ST8SIA2: variants seen among roughly 807,000 people sequenced by gnomAD.
ST8SIA2 encodes ST8 alpha-N-acetyl-neuraminide alpha-2,8-sialyltransferase 2.
In ST8SIA2, 22 loss-of-function variants were observed where a neutral mutation model predicts 37.6. The observed-to-expected ratio is 0.58, with a 90% CI of 0.42 to 0.83. The LOEUF (loss-of-function observed/expected upper bound fraction) is 0.83. Ranked by LOEUF, ST8SIA2 falls within the 40% of genes least tolerant of loss-of-function variation. ST8SIA2 has a pLI of 0.00. For missense variants in ST8SIA2, 382 were observed against 484.7 expected, an observed-to-expected ratio of 0.79 and a Z score of 1.99; for synonymous variants, 205 against 201.2, an observed-to-expected ratio of 1.02 and a Z score of -0.16.
intron 4 of ST8SIA2, among the ~76,000 whole-genome samples, chr15:92,439,218 G>C (rs1044054767): frequency 1.3e-5 from 2 of 149,352 alleles, no homozygotes; most frequent in Admixed American, 6.7e-5. Context: ...AAAACTCTTT[G>C]TAAGTGTCTT....
chr15:92,451,785 A>G (rs1185651883), intron 5 of ST8SIA2, among the ~76,000 whole-genome samples: 6 of 152,146 alleles, frequency 3.9e-5, no homozygotes, highest in Non-Finnish European at 8.8e-5. Context: ...AAAGATAGGA[A>G]AACTGAGCCT....
At chr15:92,456,171 G>T (rs113803966) in intron 5 of ST8SIA2, among the ~76,000 whole-genome samples, 3,849 of 152,330 alleles carry the variant, frequency 0.025, 61 homozygotes, top group Middle Eastern at 0.065. Context: ...TCCTGGCGGG[G>T]CCCGCCATGT....
chr15:92,457,721 C>T (rs1488776975), intron 5 of ST8SIA2, among the ~76,000 whole-genome samples: 1 of 152,204 alleles, frequency 6.6e-6, no homozygotes, highest in East Asian at 1.9e-4. Context: ...TCCTGTATAA[C>T]TCAGTCAGCT....
At chr15:92,416,467 G>A (rs983282808) in intron 1 of ST8SIA2, among the ~76,000 whole-genome samples, 3 of 152,078 alleles carry the variant, frequency 2.0e-5, no homozygotes, top group Non-Finnish European at 4.4e-5. Context: ...GAAAACCGGC[G>A]CGTGCAAAGG....
intron 1 of ST8SIA2, among the ~76,000 whole-genome samples, chr15:92,406,641 G>A (rs1439768500): frequency 6.6e-6 from 1 of 152,180 alleles, no homozygotes; most frequent in Non-Finnish European, 1.5e-5. Flanking sequence ...TGTCAGTGTA[G>A]CTCCACTGCC....
intron 4 of ST8SIA2, 69 bp downstream of exon 4, chr15:92,438,679 A>T: frequency 2.0e-6 from 3 of 1,492,032 alleles, no homozygotes; most frequent in Middle Eastern, 3.8e-4. Flanking sequence ...GAGCATTGCC[A>T]GCTGTCCCAA....
In ST8SIA2 at chr15:92,468,032, A is replaced by T. The variant is rs2050005269; in HGVS notation, c.*3647A>T. ...GTGATCCCGTCAGCCACCCAGTCTGAGATGCTGACGTTATCTTCGACTATT... is the reference window on the plus strand; with the variant it reads ...GTGATCCCGTCAGCCACCCAGTCTGTGATGCTGACGTTATCTTCGACTATT... On this transcript the variant is annotated 3_prime_UTR_variant, in exon 6 of 6. Coordinates refer to ENST00000268164, the MANE Select transcript of ST8SIA2 (RefSeq NM_006011.4). The T allele has an allele frequency of 6.6e-6, 1 of 152,232 alleles. No individual in the cohort carries two copies. Among genetic ancestry groups the T allele is most frequent in the African/African-American group, 2.4e-5 (1 of 41,452 alleles). The allele number at this position is 152,232 out of a possible 1,614,324, so 9.4% of individuals were successfully genotyped here.
rs2049991977 is a variant in ST8SIA2 at position 92,466,337 on chromosome 15, C to T, written c.*1952C>T. The T allele has an allele frequency of 6.6e-6, 1 of 152,200 alleles. No individual in the cohort carries two copies. Among genetic ancestry groups the T allele is most frequent in the African/African-American group, 2.4e-5 (1 of 41,444 alleles). 9.4% of individuals were successfully genotyped at this position (152,200 alleles called of 1,614,324 possible). ...TACCATATTTTATACATCTCCAGAG[C>T]CTTTCATCTTGAGGATCTCAAAGAC... On this transcript the variant is annotated 3_prime_UTR_variant, in exon 6 of 6. Transcript: ENST00000268164.
At chr15:92,439,297 A>G (rs1430990721) in intron 4 of ST8SIA2, among the ~76,000 whole-genome samples, 1 of 152,166 alleles carries the variant, frequency 6.6e-6, no homozygotes, top group Non-Finnish European at 1.5e-5. Context: ...GGAGTAACAG[A>G]GAAACTTGAA....
At chr15:92,429,501 A>G (rs2049699656) in intron 1 of ST8SIA2, among the ~76,000 whole-genome samples, 1 of 152,176 alleles carries the variant, frequency 6.6e-6, no homozygotes, top group African/African-American at 2.4e-5. Context: ...GAGTGACACC[A>G]CTTAATACTA....
intron 5 of ST8SIA2, among the ~76,000 whole-genome samples, chr15:92,452,894 C>T (rs1377176183): frequency 6.6e-6 from 1 of 152,134 alleles, no homozygotes; most frequent in Non-Finnish European, 1.5e-5. Context: ...AGAACATCAA[C>T]ATATGAGTCT....
chr15:92,439,887 G>A (rs1185006407), intron 4 of ST8SIA2, among the ~76,000 whole-genome samples: 1 of 152,074 alleles, frequency 6.6e-6, no homozygotes, highest in Non-Finnish European at 1.5e-5. Flanking sequence ...AGTGTGTGGG[G>A]GCCAAGGCCT....
chr15:92,416,665 G>T (rs558146739), intron 1 of ST8SIA2, among the ~76,000 whole-genome samples: 1 of 152,262 alleles, frequency 6.6e-6, no homozygotes, highest in African/African-American at 2.4e-5. Context: ...GGAGACATGG[G>T]GACATACTGC....
At chr15:92,408,550 C>T (rs1375095395) in intron 1 of ST8SIA2, among the ~76,000 whole-genome samples, 2 of 151,998 alleles carry the variant, frequency 1.3e-5, no homozygotes, top group African/African-American at 4.8e-5. Flanking sequence ...TGAGATAGGC[C>T]CCAGTTACTG....
chr15:92,452,019 G>T (rs535929406), intron 5 of ST8SIA2, among the ~76,000 whole-genome samples: 1 of 152,160 alleles, frequency 6.6e-6, no homozygotes, highest in Non-Finnish European at 1.5e-5. Flanking sequence ...GAACCAAAGG[G>T]CTAGGAGCAG....
chr15:92,410,982 G>A (rs1054015691), intron 1 of ST8SIA2, among the ~76,000 whole-genome samples: 1 of 152,186 alleles, frequency 6.6e-6, no homozygotes, highest in African/African-American at 2.4e-5. Flanking sequence ...TTGTGACGCG[G>A]CTGCCACAGA....
intron 1 of ST8SIA2, among the ~76,000 whole-genome samples, chr15:92,426,815 G>T (rs1213232377): frequency 6.6e-6 from 1 of 152,230 alleles, no homozygotes; most frequent in Admixed American, 6.5e-5. Context: ...TGGGCTGGGC[G>T]TGATGGCTCA....
intron 5 of ST8SIA2, among the ~76,000 whole-genome samples, chr15:92,460,865 T>C (rs2049952377): frequency 6.6e-6 from 1 of 152,166 alleles, no homozygotes; most frequent in Non-Finnish European, 1.5e-5. Flanking sequence ...TCTGAGTGTG[T>C]TGCTCAATCC....
intron 5 of ST8SIA2, among the ~76,000 whole-genome samples, chr15:92,455,730 G>A (rs750983859): frequency 1.3e-5 from 2 of 152,110 alleles, no homozygotes; most frequent in Admixed American, 6.5e-5. Context: ...ATGCTACATC[G>A]ATCACCCTTG....
Sources: allele counts gnomAD v4.1 joint callset (sites outside exome capture counted in the v4.1 genomes callset), GRCh38; gene constraint gnomAD v4.1.1; transcripts MANE v1.5; gene names NCBI Gene and HGNC (gene_info 2026-07-23, HGNC 2026-07-21).